The following ATP8B4 variants were observed in gnomAD, a reference collection of about 807,000 sequenced individuals.
ATP8B4 encodes ATPase phospholipid transporting 8B4 (putative), also known as probable phospholipid-transporting ATPase IM.
In ATP8B4, 133 loss-of-function variants were observed where a neutral mutation model predicts 145.6. The ratio of observed to expected loss-of-function variants is 0.91; its 90% CI spans 0.79 to 1.05. ATP8B4 has a LOEUF of 1.05. Among genes scored for constraint, ATP8B4 ranks in the 50% least tolerant of loss-of-function variants. The pLI, the probability that ATP8B4 is intolerant of heterozygous loss-of-function variation, is 0.00. For missense variants in ATP8B4, 1,458 were observed against 1,425.2 expected (o/e 1.02, Z -0.37); for synonymous variants, 507 against 492.9 (o/e 1.03, Z -0.38).
At chr15:49,922,224 C>A in intron 17 of ATP8B4, 2 of 176,566 alleles carry the variant, frequency 1.1e-5, no homozygotes, top group Non-Finnish European at 1.2e-5. Context: ...TTTATATTAC[C>A]TGAAAAAAAA....
intron 25 of ATP8B4, among the ~76,000 whole-genome samples, chr15:49,875,678 G>T (rs979498113): frequency 2.0e-5 from 3 of 152,138 alleles, no homozygotes; most frequent in Non-Finnish European, 4.4e-5. Context: ...AGAAATAAAA[G>T]TTTTTGTGAA....
At chr15:50,034,538 C>T (rs1261203607) in intron 6 of ATP8B4, among the ~76,000 whole-genome samples, 1 of 152,056 alleles carries the variant, frequency 6.6e-6, no homozygotes, top group Non-Finnish European at 1.5e-5. Flanking sequence ...CATTGAGTGT[C>T]TCTTAAAATT....
At chr15:50,134,755 G>A (rs542621797) in intron 1 of ATP8B4, among the ~76,000 whole-genome samples, 2 of 152,318 alleles carry the variant, frequency 1.3e-5, no homozygotes, top group South Asian at 4.1e-4. Flanking sequence ...GAAGGGGAAG[G>A]AAGAGGTAAA....
intron 1 of ATP8B4, among the ~76,000 whole-genome samples, chr15:50,149,197 C>A (rs2044315671): frequency 6.6e-6 from 1 of 152,166 alleles, no homozygotes; most frequent in Admixed American, 6.5e-5. Context: ...AAGATAATGC[C>A]ATGATTGATT....
chr15:50,084,289 G>A (rs1458590142), intron 2 of ATP8B4, among the ~76,000 whole-genome samples: 2 of 152,308 alleles, frequency 1.3e-5, no homozygotes, highest in East Asian at 3.9e-4. Context: ...CAAAAAAATA[G>A]GAGCCTCACT....
intron 26 of ATP8B4, 135 bp from the exon 27 acceptor site, chr15:49,862,510 G>A (rs2032021476): frequency 9.8e-7 from 1 of 1,020,042 alleles, no homozygotes; most frequent in Non-Finnish European, 1.4e-6. Context: ...CTGGTGGAAT[G>A]CAGTGGTGCG....
chr15:49,921,344 A>G (rs1221810487), intron 17 of ATP8B4, among the ~76,000 whole-genome samples: 1 of 152,234 alleles, frequency 6.6e-6, no homozygotes, highest in Non-Finnish European at 1.5e-5. Flanking sequence ...TAAATTAGTC[A>G]AACTGATTGG....
chr15:50,162,798 G>T (rs1457726986), intron 1 of ATP8B4, among the ~76,000 whole-genome samples: 1 of 152,144 alleles, frequency 6.6e-6, no homozygotes, highest in African/African-American at 2.4e-5. Flanking sequence ...GAGCCACCGC[G>T]CCCGGCCTCT....
At position 49,905,803 on chromosome 15, in the gene ATP8B4, A is replaced by C. The variant is rs78479949; in HGVS notation, c.2142-4564T>G. On this transcript the variant is annotated intron_variant, in intron 20 of 27. Coordinates refer to ENST00000284509, the MANE Select transcript of ATP8B4 (RefSeq NM_024837.4). Reference sequence around the variant, plus strand: ...TACACAAACACTATTACAACATCAGATAATACAAACAGCCATAAAGAAGGA... The same window carrying C: ...TACACAAACACTATTACAACATCAGCTAATACAAACAGCCATAAAGAAGGA... Among the ~76,000 whole-genome samples the C allele has an allele frequency of 1.2e-3, 180 of 152,270 alleles. 2 individuals are homozygous for C. The East Asian group carries it at 0.024, about 20-fold the overall frequency.
At chr15:50,138,058 T>A (rs1324593139) in intron 1 of ATP8B4, among the ~76,000 whole-genome samples, 7 of 152,172 alleles carry the variant, frequency 4.6e-5, no homozygotes, top group Non-Finnish European at 8.8e-5. Context: ...CTATCACATT[T>A]TCATCCTTCA....
rs1417739868 is a variant in ATP8B4, at chr15:50,035,153, C to CA, written c.362+3614dup. 7.5e-4 allele frequency among the ~76,000 whole-genome samples: 109 copies of CA among 144,490 alleles called. 1 individual carries two copies. Among genetic ancestry groups the CA allele is most frequent in the Middle Eastern group, 3.4e-3 (1 of 290 alleles). The allele number at this position is 144,490 out of a possible 152,430, so 94.8% of individuals were successfully genotyped here. A position where few individuals can be genotyped will look rare whatever the true frequency, so the allele number is the denominator to read the frequency against. On this transcript the variant is annotated intron_variant, in intron 6 of 27. Transcript: ENST00000284509. Reference sequence around the variant, plus strand: ...ATTTGAAAGGAATAGATTAAGAAAACAAAAAAAAAAGTGAAATTGTAGAGG... The same window carrying CA: ...ATTTGAAAGGAATAGATTAAGAAAACAAAAAAAAAAAGTGAAATTGTAGAGG...
At chr15:50,095,496 C>T (rs1396089591) in intron 2 of ATP8B4, among the ~76,000 whole-genome samples, 3 of 152,172 alleles carry the variant, frequency 2.0e-5, no homozygotes, top group African/African-American at 7.2e-5. Context: ...TGGCTCACAC[C>T]TGTAATTGTT....
intron 10 of ATP8B4, among the ~76,000 whole-genome samples, chr15:49,984,350 C>G (rs889295356): frequency 1.3e-5 from 2 of 152,114 alleles, no homozygotes; most frequent in African/African-American, 4.8e-5. Flanking sequence ...AAATAGATGA[C>G]ACATTGAACA....
In ATP8B4 at chr15:50,059,472, G is replaced by A. The variant is rs139254098; in HGVS notation, c.88-12008C>T. On this transcript the variant is annotated intron_variant, in intron 3 of 27. Coordinates refer to ENST00000284509, the MANE Select transcript of ATP8B4 (RefSeq NM_024837.4). ...AGGCCAGCTAGGAATAACTGTTAAC[G>A]TACAAAACTGTGAAATAAAGCAAAC... 2.0e-5 allele frequency among the ~76,000 whole-genome samples: 3 copies of A among 152,110 alleles called. No homozygotes were observed. The South Asian group carries it at 6.2e-4, about 32-fold the overall frequency.
At chr15:50,055,766 G>A (rs1004865367) in intron 3 of ATP8B4, among the ~76,000 whole-genome samples, 3 of 152,174 alleles carry the variant, frequency 2.0e-5, no homozygotes, top group Admixed American at 1.3e-4. Flanking sequence ...AAAAGGGATT[G>A]TGTCCACAAA....
intron 6 of ATP8B4, among the ~76,000 whole-genome samples, chr15:50,023,054 G>A (rs569995746): frequency 6.6e-6 from 1 of 152,094 alleles, no homozygotes; most frequent in East Asian, 1.9e-4. Flanking sequence ...ATTACTTTCT[G>A]GGAAACACTC....
intron 2 of ATP8B4, among the ~76,000 whole-genome samples, chr15:50,090,121 C>A (rs943849086): frequency 6.6e-6 from 1 of 152,122 alleles, no homozygotes; most frequent in African/African-American, 2.4e-5. Context: ...AACAAAGAAC[C>A]AAACATCGCA....
intron 16 of ATP8B4, among the ~76,000 whole-genome samples, chr15:49,924,124 G>C (rs1411361272): frequency 6.6e-6 from 1 of 151,884 alleles, no homozygotes; most frequent in African/African-American, 2.4e-5. Context: ...TATATCGGTA[G>C]TACTGTGTTT....
intron 6 of ATP8B4, among the ~76,000 whole-genome samples, chr15:50,011,604 G>C (rs1223186934): frequency 6.6e-6 from 1 of 152,070 alleles, no homozygotes; most frequent in African/African-American, 2.4e-5. Flanking sequence ...CAGTTCAAAG[G>C]GGTTTATTAT....
Sources: allele counts gnomAD v4.1 joint callset (sites outside exome capture counted in the v4.1 genomes callset), GRCh38; gene constraint gnomAD v4.1.1; transcripts MANE v1.5; gene names NCBI Gene and HGNC (gene_info 2026-07-23, HGNC 2026-07-21).